Variants in COL25A1 observed in about 807,000 individuals in gnomAD.
The protein encoded by COL25A1 is collagen type XXV alpha 1 chain, also known as collagen alpha-1(XXV) chain.
COL25A1 carries 103 observed loss-of-function variants against 128.4 expected under a neutral mutation model. The ratio of observed to expected loss-of-function variants is 0.80; its 90% CI spans 0.68 to 0.94. The LOEUF (loss-of-function observed/expected upper bound fraction) is 0.94, where lower values mean the gene tolerates loss of function less well. COL25A1 is among the 40% of genes least tolerant of loss of function. COL25A1 has a pLI of 0.00. For missense variants in COL25A1, 745 were observed against 840.0 expected (o/e 0.89, Z 1.40); for synonymous variants, 279 against 277.2 (o/e 1.01, Z -0.06).
intron 23 of COL25A1, 107 bp from the exon 24 acceptor site, chr4:108,859,840 C>A: frequency 1.4e-6 from 1 of 726,924 alleles, no homozygotes; most frequent in Admixed American, 2.6e-5. Context: ...AATATCATTT[C>A]CCTACTAAGG....
intron 3 of COL25A1, among the ~76,000 whole-genome samples, chr4:109,139,748 G>T (rs1224213695): frequency 6.6e-6 from 1 of 151,962 alleles, no homozygotes; most frequent in Non-Finnish European, 1.5e-5. Flanking sequence ...ATGTATACAT[G>T]TGCCATGTTG....
At chr4:109,085,163 T>C (rs1010626871) in intron 3 of COL25A1, among the ~76,000 whole-genome samples, 4 of 152,120 alleles carry the variant, frequency 2.6e-5, no homozygotes, top group Admixed American at 1.3e-4. Context: ...CTCTCATCCA[T>C]TGCAGCTGGG....
At chr4:108,984,631 GCCGGC>G (rs1398066483) in intron 6 of COL25A1, among the ~76,000 whole-genome samples, 1 of 152,358 alleles carries the variant, frequency 6.6e-6, no homozygotes, top group East Asian at 1.9e-4. Context: ...GGTGGGGCCA[GCCGGC>G]CGCTCCGAAG....
At chr4:108,843,348 A>C (rs1270604777) in intron 30 of COL25A1, among the ~76,000 whole-genome samples, 1 of 152,070 alleles carries the variant, frequency 6.6e-6, no homozygotes, top group African/African-American at 2.4e-5. Flanking sequence ...GGAAAGAGTG[A>C]CCATAATTTA....
chr4:108,935,295 G>A (rs1747268142), intron 11 of COL25A1, among the ~76,000 whole-genome samples: 1 of 152,192 alleles, frequency 6.6e-6, no homozygotes. Flanking sequence ...ACAGAAGTCA[G>A]GGTGGAGGCT....
At chr4:108,841,669 A>C (rs746513938) in intron 31 of COL25A1, 26 bp downstream of exon 31, 1 of 1,598,098 alleles carries the variant, frequency 6.3e-7, no homozygotes, top group Non-Finnish European at 8.6e-7. Context: ...GCAGAAATCA[A>C]ATAATCAAGG....
At position 108,885,387 on chromosome 4, in the gene COL25A1, T is replaced by C. The variant is rs77604329; in HGVS notation, c.976-1165A>G. On this transcript the variant is annotated intron_variant, in intron 18 of 37. Transcript: ENST00000399132. Reference sequence around the variant, plus strand: ...AGACCAAAAAAGGACAATGGTTTTCTTGATGATTTAGGTCAAAGTTACTTC... The same window carrying C: ...AGACCAAAAAAGGACAATGGTTTTCCTGATGATTTAGGTCAAAGTTACTTC... Among the ~76,000 whole-genome samples the C allele has an allele frequency of 4.5e-3, 693 of 152,320 alleles. 14 individuals are homozygous for C. In the East Asian group the frequency reaches 0.061, roughly 14 times the overall value.
intron 5 of COL25A1, among the ~76,000 whole-genome samples, chr4:109,033,416 G>T (rs925397927): frequency 6.6e-6 from 1 of 152,206 alleles, no homozygotes; most frequent in African/African-American, 2.4e-5. Context: ...ACAGCACAAT[G>T]AAATCTGGCC....
intron 19 of COL25A1, among the ~76,000 whole-genome samples, chr4:108,871,254 T>C (rs1459698417): frequency 6.6e-6 from 1 of 152,240 alleles, no homozygotes; most frequent in African/African-American, 2.4e-5. Context: ...TATTTCTAGA[T>C]ACAAAATTAG....
intron 6 of COL25A1, among the ~76,000 whole-genome samples, chr4:108,987,004 G>C (rs551191964): frequency 6.6e-6 from 1 of 152,228 alleles, no homozygotes; most frequent in African/African-American, 2.4e-5. Context: ...CTTGAGGCTG[G>C]GTGATAGGTC....
intron 8 of COL25A1, among the ~76,000 whole-genome samples, chr4:108,973,139 G>A (rs1560954973): frequency 1.3e-5 from 2 of 152,198 alleles, no homozygotes; most frequent in Non-Finnish European, 2.9e-5. Context: ...GAGGAGACAT[G>A]TCATGTGAAA....
At chr4:108,819,405 T>C (rs563494638) in intron 35 of COL25A1, 76 bp from the exon 36 acceptor site, 7 of 1,216,390 alleles carry the variant, frequency 5.8e-6, no homozygotes, top group Non-Finnish European at 8.3e-6. Context: ...AAGAAGTAAC[T>C]ACAACAACAA....
rs3062875 is a variant in COL25A1 at position 108,831,687 on chromosome 4, GGA to G, written c.1710+691_1710+692del. Among the ~76,000 whole-genome samples the G allele has an allele frequency of 9.2e-3, 1,326 of 144,114 alleles. 9 individuals carry two copies. Among genetic ancestry groups the G allele is most frequent in the African/African-American group, 0.017 (638 of 38,498 alleles). The allele number at this position is 144,114 out of a possible 152,430, so 94.5% of individuals were successfully genotyped here. ...GAGAAAAACAGAAAGAGAGAGAGGG[GGA>G]GAGAGAGAGAGAGAGAGAGAGAGAG... On this transcript the variant is annotated intron_variant, in intron 32 of 37. Transcript: ENST00000399132.
chr4:108,884,861 G>T (rs1271021292), intron 18 of COL25A1, among the ~76,000 whole-genome samples: 2 of 152,158 alleles, frequency 1.3e-5, no homozygotes, highest in Non-Finnish European at 2.9e-5. Flanking sequence ...GCTGAATACA[G>T]GTTTGAGATT....
chr4:109,248,017 T>C (rs1377900218), intron 3 of COL25A1, among the ~76,000 whole-genome samples: 1 of 151,890 alleles, frequency 6.6e-6, no homozygotes, highest in Admixed American at 6.6e-5. Context: ...GCTAAAAGAG[T>C]TGAAAAGACC....
intron 5 of COL25A1, among the ~76,000 whole-genome samples, chr4:109,022,030 CAT>C (rs1172264867): frequency 6.6e-6 from 1 of 152,174 alleles, no homozygotes; most frequent in Non-Finnish European, 1.5e-5. Flanking sequence ...TCCTCAGAAA[CAT>C]GTGATCTTCA....
chr4:108,937,887 T>A (rs1305207452), intron 10 of COL25A1, 44 bp from the exon 11 acceptor site: 24 of 1,466,286 alleles, frequency 1.6e-5, no homozygotes, highest in East Asian at 4.7e-5. Context: ...TGTAAGTATT[T>A]AAAAAAAAAC....
At chr4:109,084,593 T>A (rs557732842) in intron 3 of COL25A1, among the ~76,000 whole-genome samples, 4 of 152,340 alleles carry the variant, frequency 2.6e-5, no homozygotes, top group African/African-American at 9.6e-5. Context: ...TTATATTACA[T>A]TGAATTCCCT....
intron 6 of COL25A1, among the ~76,000 whole-genome samples, chr4:108,978,814 T>C (rs1265526592): frequency 6.6e-6 from 1 of 152,184 alleles, no homozygotes; most frequent in Non-Finnish European, 1.5e-5. Context: ...TTAGCAGTCA[T>C]AGGGAAGTGA....
Sources: allele counts gnomAD v4.1 joint callset (sites outside exome capture counted in the v4.1 genomes callset), GRCh38; gene constraint gnomAD v4.1.1; transcripts MANE v1.5; gene names NCBI Gene and HGNC (gene_info 2026-07-23, HGNC 2026-07-21).